IGSF5: variants seen among roughly 807,000 people sequenced by gnomAD.
IGSF5 encodes the protein immunoglobulin superfamily 5 like.
In IGSF5, 41 loss-of-function variants were observed where a neutral mutation model predicts 39.4. The observed-to-expected ratio is 1.04, with a 90% CI of 0.81 to 1.35. IGSF5 has a LOEUF of 1.35. Ranked by LOEUF, IGSF5 falls within the 40% of genes most tolerant of loss-of-function variation. The probability of loss-of-function intolerance (pLI) is 0.00; values close to 1 mark genes in which losing one functional copy is unlikely to be tolerated. For missense variants in IGSF5, 487 were observed against 494.6 expected, an observed-to-expected ratio of 0.98 and a Z score of 0.15; for synonymous variants, 183 against 175.3, an observed-to-expected ratio of 1.04 and a Z score of -0.34.
intron 2 of IGSF5, among the ~76,000 whole-genome samples, chr21:39,749,051 T>A (rs979248798): frequency 2.2e-4 from 34 of 152,168 alleles, no homozygotes; most frequent in African/African-American, 8.2e-4. Context: ...AAAAAAAATG[T>A]TTATGCCTTA....
At chr21:39,793,898 T>G (rs896749993) in intron 8 of IGSF5, among the ~76,000 whole-genome samples, 1 of 152,146 alleles carries the variant, frequency 6.6e-6, no homozygotes, top group African/African-American at 2.4e-5. Context: ...TCCGCCTGAG[T>G]TGGCATAAGA....
chr21:39,762,932 TCCCAGTGCTCTGCCC>T (rs2080068335), intron 2 of IGSF5, among the ~76,000 whole-genome samples: 1 of 152,042 alleles, frequency 6.6e-6, no homozygotes, highest in Non-Finnish European at 1.5e-5. Context: ...CATTGATCTT[TCCCAGTGCTCTGCCC>T]CCCATCTGGC....
chr21:39,771,684 GA>G (rs2080115486), intron 4 of IGSF5, among the ~76,000 whole-genome samples: 1 of 152,166 alleles, frequency 6.6e-6, no homozygotes, highest in Non-Finnish European at 1.5e-5. Flanking sequence ...CAATGTGTTT[GA>G]AAGTGTCAAG....
intron 6 of IGSF5, among the ~76,000 whole-genome samples, chr21:39,790,518 C>T (rs1350340350): frequency 6.6e-6 from 1 of 152,192 alleles, no homozygotes; most frequent in East Asian, 1.9e-4. Flanking sequence ...ATTAGCTGGG[C>T]ATGTTGGTGC....
chr21:39,791,981 C>G, intron 6 of IGSF5, 27 bp from the exon 7 acceptor site: 1 of 1,487,316 alleles, frequency 6.7e-7, no homozygotes, highest in Non-Finnish European at 9.3e-7. Context: ...CAACAATTAA[C>G]ATGAACATAA....
chr21:39,731,722 C>T, the IGSF5 span, among the ~76,000 whole-genome samples: 2 of 152,144 alleles, frequency 1.3e-5, no homozygotes, highest in African/African-American at 4.8e-5. Flanking sequence ...TGGAATCGTT[C>T]TCAGAGCTTC....
chr21:39,719,904 G>A, the IGSF5 span, among the ~76,000 whole-genome samples: 6,253 of 152,250 alleles, frequency 0.041, 266 homozygotes, highest in East Asian at 0.22. Context: ...TCATAGTCAC[G>A]AAGCAATCCT....
chr21:39,747,641 A>G (rs915531939), intron 2 of IGSF5, among the ~76,000 whole-genome samples: 2 of 152,236 alleles, frequency 1.3e-5, no homozygotes, highest in Non-Finnish European at 2.9e-5. Flanking sequence ...ACCACCTAAA[A>G]TTTTGTTCAC....
At chr21:39,746,047 G>T (rs1268880637) in intron 1 of IGSF5, among the ~76,000 whole-genome samples, 169 bp from the exon 2 acceptor site, 2 of 152,186 alleles carry the variant, frequency 1.3e-5, no homozygotes, top group Non-Finnish European at 2.9e-5. Context: ...CTTGGGCCAT[G>T]CGGTGAGTGT....
At chr21:39,765,489 T>C (rs8129909) in intron 2 of IGSF5, 46 bp from the exon 3 acceptor site, 81,284 of 1,547,076 alleles carry the variant, frequency 0.053, 3,188 homozygotes, top group East Asian at 0.18. Context: ...AGTTGATTTA[T>C]GGAGATCCAT....
rs138876355 is a variant in IGSF5, at chr21:39,796,862, C to G, written c.1128+3249C>G. On this transcript the variant is annotated intron_variant, in intron 8 of 8. Transcript: ENST00000380588. ...TAGTTGGGTCAGAAAAATGGCCTATCCATGGAGATGCGGCAGGCACAACAG... is the reference window on the plus strand; with the variant it reads ...TAGTTGGGTCAGAAAAATGGCCTATGCATGGAGATGCGGCAGGCACAACAG... Among the ~76,000 whole-genome samples, 821 of 152,330 alleles carry G rather than the reference C, an allele frequency of 5.4e-3. 5 individuals carry two copies. The highest frequency in any genetic ancestry group is 8.4e-3 in the Admixed American group (129 of 15,296).
At chr21:39,764,422 C>A (rs2080076067) in intron 2 of IGSF5, among the ~76,000 whole-genome samples, 1 of 152,136 alleles carries the variant, frequency 6.6e-6, no homozygotes, top group African/African-American at 2.4e-5. Context: ...CTCACTGCAA[C>A]CTCTGCCTCC....
intron 4 of IGSF5, 27 bp from the exon 5 acceptor site, chr21:39,779,063 A>T (rs1240759750): frequency 6.2e-7 from 1 of 1,608,734 alleles, no homozygotes; most frequent in African/African-American, 1.3e-5. Context: ...TGCAAGTATC[A>T]CTAAAATATA....
intron 3 of IGSF5, among the ~76,000 whole-genome samples, chr21:39,770,178 A>G (rs1163579764): frequency 2.0e-5 from 3 of 152,190 alleles, no homozygotes; most frequent in African/African-American, 7.2e-5. Flanking sequence ...ACTGGGGCCA[A>G]TCCTCAGGTT....
Position 39,764,768 on chromosome 21 carries a change from G to A in IGSF5, c.101-767G>A, listed in dbSNP as rs570065598. Among the ~76,000 whole-genome samples the A allele has an allele frequency of 2.0e-5, 3 of 152,366 alleles. No individual in the cohort carries two copies. The South Asian group carries it at 6.2e-4, about 32-fold the overall frequency. ...ATCCCACAACACCAGAAGGTAGTAG[G>A]ACATGTTGCAGTGTCACTGATGGGG... On this transcript the variant is annotated intron_variant, in intron 2 of 8. Transcript: ENST00000380588.
At chr21:39,757,342 G>A (rs1415096872) in intron 2 of IGSF5, among the ~76,000 whole-genome samples, 2 of 133,250 alleles carry the variant, frequency 1.5e-5, no homozygotes, top group Non-Finnish European at 3.2e-5. Context: ...TGATTGAAAC[G>A]AATGTAATAA....
At chr21:39,733,044 T>C in the IGSF5 span, among the ~76,000 whole-genome samples, 1 of 150,160 alleles carries the variant, frequency 6.7e-6, no homozygotes, top group Non-Finnish European at 1.5e-5. Flanking sequence ...AATAATAAAA[T>C]TAAAAAAATT....
At chr21:39,720,204 C>T in the IGSF5 span, among the ~76,000 whole-genome samples, 1 of 152,150 alleles carries the variant, frequency 6.6e-6, no homozygotes, top group African/African-American at 2.4e-5. Flanking sequence ...ACCTAGATGC[C>T]TCTCACGCAC....
At chr21:39,720,680 G>T in the IGSF5 span, among the ~76,000 whole-genome samples, 1 of 152,138 alleles carries the variant, frequency 6.6e-6, no homozygotes, top group Non-Finnish European at 1.5e-5. Context: ...GAGAGGAAAA[G>T]GGCATTAGGG....
Sources: gnomAD v4.1 joint callset for allele counts (sites outside exome capture counted in the v4.1 genomes callset) on GRCh38, gnomAD v4.1.1 for gene constraint, MANE v1.5 for transcripts, NCBI Gene and HGNC (gene_info 2026-07-23, HGNC 2026-07-21) for gene names.